ENOX1: variants seen among roughly 807,000 people sequenced by gnomAD.
ENOX1 encodes the protein candidate growth-related and time keeping constitutive hydroquinone (NADH) oxidase.
Under a neutral mutation model 82.5 loss-of-function variants are expected in ENOX1, and 42 were observed. That is an observed-to-expected ratio of 0.51 (90% CI 0.40 to 0.66). The LOEUF (loss-of-function observed/expected upper bound fraction) is 0.66, where lower values mean the gene tolerates loss of function less well. ENOX1 is among the 30% of genes least tolerant of loss of function. The probability of loss-of-function intolerance (pLI) is 0.00; values close to 1 mark genes in which losing one functional copy is unlikely to be tolerated. For synonymous variants in ENOX1, 271 were observed against 282.2 expected, an observed-to-expected ratio of 0.96 and a Z score of 0.40; for missense variants, 608 against 811.6, an observed-to-expected ratio of 0.75 and a Z score of 3.05.
intron 1 of ENOX1, among the ~76,000 whole-genome samples, chr13:43,701,806 T>C (rs1313872895): frequency 6.6e-6 from 1 of 152,196 alleles, no homozygotes; most frequent in Admixed American, 6.5e-5. Flanking sequence ...AATAGTATGA[T>C]ACCCTTATAC....
chr13:43,471,619 G>T (rs2058069796), intron 3 of ENOX1, among the ~76,000 whole-genome samples: 1 of 152,002 alleles, frequency 6.6e-6, no homozygotes, highest in African/African-American at 2.4e-5. Context: ...GACCATTCTG[G>T]CTAACATGGT....
intron 16 of ENOX1, among the ~76,000 whole-genome samples, chr13:43,223,366 A>G (rs560766984): frequency 9.9e-5 from 15 of 152,272 alleles, no homozygotes; most frequent in East Asian, 5.8e-4. Flanking sequence ...TTATTTTGTC[A>G]GGGCCCCTTC....
At chr13:43,567,662 G>A (rs1316928864) in intron 2 of ENOX1, among the ~76,000 whole-genome samples, 1 of 152,134 alleles carries the variant, frequency 6.6e-6, no homozygotes, top group Non-Finnish European at 1.5e-5. Flanking sequence ...GACACAGAGA[G>A]GTGAGTACCT....
intron 1 of ENOX1, among the ~76,000 whole-genome samples, chr13:43,689,550 G>A (rs2086248743): frequency 6.6e-6 from 1 of 152,122 alleles, no homozygotes; most frequent in Admixed American, 6.5e-5. Flanking sequence ...AAGAGAAAAT[G>A]GCAAAATCAG....
At chr13:43,705,777 T>C (rs1163155310) in intron 1 of ENOX1, among the ~76,000 whole-genome samples, 1 of 152,124 alleles carries the variant, frequency 6.6e-6, no homozygotes, top group Non-Finnish European at 1.5e-5. Flanking sequence ...GGGGATAGTA[T>C]GAATGCAGAA....
rs2053593331 is a variant in ENOX1, at chr13:43,403,170, A to G, written c.208+8746T>C. Among the ~76,000 whole-genome samples, 4 of 152,164 alleles carry G rather than the reference A, an allele frequency of 2.6e-5. No individual in the cohort carries two copies. The South Asian group carries it at 6.2e-4, about 24-fold the overall frequency. On this transcript the variant is annotated intron_variant, in intron 5 of 16. Transcript: ENST00000690772. ...CTAAAGGCTAATGAGTGGTACATATACCAGAGTACAACAGAGCAAATAAAG... is the reference window on the plus strand; with the variant it reads ...CTAAAGGCTAATGAGTGGTACATATGCCAGAGTACAACAGAGCAAATAAAG...
At chr13:43,663,407 G>T (rs2084826140) in intron 2 of ENOX1, among the ~76,000 whole-genome samples, 1 of 152,050 alleles carries the variant, frequency 6.6e-6, no homozygotes, top group African/African-American at 2.4e-5. Flanking sequence ...ATACCACTCT[G>T]CTAATCTCCC....
At chr13:43,616,138 C>CTATATAGATAGATATCTATATATA (rs1364614503) in intron 2 of ENOX1, among the ~76,000 whole-genome samples, 7 of 21,642 alleles carry the variant, frequency 3.2e-4, no homozygotes, top group Non-Finnish European at 4.6e-4. Context: ...ATCTATCTAT[C>CTATATAGATAGATATCTATATATA]TAGATATCTA....
At chr13:43,361,479 G>C (rs764837407) in intron 5 of ENOX1, 27 bp from the exon 6 acceptor site, 1 of 1,575,036 alleles carries the variant, frequency 6.3e-7, no homozygotes, top group African/African-American at 1.4e-5. Flanking sequence ...ATAACATTTT[G>C]ACTGGAGATT....
At chr13:43,780,053 C>T (rs1330910081) in intron 1 of ENOX1, among the ~76,000 whole-genome samples, 2 of 151,616 alleles carry the variant, frequency 1.3e-5, no homozygotes, top group East Asian at 3.9e-4. Context: ...CCCAGCTACT[C>T]GGGAGACTGA....
At chr13:43,379,275 G>C (rs1441171507) in intron 5 of ENOX1, among the ~76,000 whole-genome samples, 5 of 151,990 alleles carry the variant, frequency 3.3e-5, no homozygotes, top group African/African-American at 7.2e-5. Flanking sequence ...TGAATAAAAA[G>C]AGAAATTACA....
At chr13:43,601,200 G>T (rs2081702931) in intron 2 of ENOX1, among the ~76,000 whole-genome samples, 1 of 152,030 alleles carries the variant, frequency 6.6e-6, no homozygotes, top group Admixed American at 6.6e-5. Flanking sequence ...AGGCACCAGG[G>T]TTATATCCAG....
At chr13:43,763,548 TCAAAA>T (rs1951106578) in intron 1 of ENOX1, among the ~76,000 whole-genome samples, 1 of 152,328 alleles carries the variant, frequency 6.6e-6, no homozygotes, top group Non-Finnish European at 1.5e-5. Flanking sequence ...AGGACTCTAT[TCAAAA>T]CAAGTCTGAA....
chr13:43,781,314 T>C (rs1952243609), intron 1 of ENOX1, among the ~76,000 whole-genome samples: 1 of 152,172 alleles, frequency 6.6e-6, no homozygotes, highest in Admixed American at 6.5e-5. Flanking sequence ...GTGTCTGCCA[T>C]ATGCCAGGCT....
chr13:43,223,214 A>G (rs1321340630), intron 16 of ENOX1, among the ~76,000 whole-genome samples: 2 of 152,162 alleles, frequency 1.3e-5, no homozygotes, highest in South Asian at 2.1e-4. Flanking sequence ...GCTGTGCTCT[A>G]TGGAGGACCT....
chr13:43,732,304 C>G (rs773054049), intron 1 of ENOX1, among the ~76,000 whole-genome samples: 9 of 152,190 alleles, frequency 5.9e-5, no homozygotes, highest in African/African-American at 1.2e-4. Context: ...GTCTTCCTCA[C>G]TCCTTATGAC....
intron 2 of ENOX1, among the ~76,000 whole-genome samples, chr13:43,662,945 AG>A (rs2084805527): frequency 6.6e-6 from 1 of 152,236 alleles, no homozygotes; most frequent in South Asian, 2.1e-4. Context: ...AGTAGAGAAA[AG>A]TTTTCATAAA....
chr13:43,749,244 T>C (rs1042406339), intron 1 of ENOX1, among the ~76,000 whole-genome samples: 1 of 152,196 alleles, frequency 6.6e-6, no homozygotes, highest in Non-Finnish European at 1.5e-5. Flanking sequence ...ATGAATGTAT[T>C]TGACATCAAT....
At chr13:43,487,386 C>A (rs1414938730) in intron 2 of ENOX1, among the ~76,000 whole-genome samples, 2 of 151,992 alleles carry the variant, frequency 1.3e-5, no homozygotes, top group Non-Finnish European at 2.9e-5. Flanking sequence ...TACAGAAATT[C>A]TATTATAATT....
Sources: gnomAD v4.1 joint callset for allele counts (sites outside exome capture counted in the v4.1 genomes callset) on GRCh38, gnomAD v4.1.1 for gene constraint, MANE v1.5 for transcripts, NCBI Gene and HGNC (gene_info 2026-07-23, HGNC 2026-07-21) for gene names.